DMD: variants seen among roughly 807,000 people sequenced by gnomAD.
The protein encoded by DMD is mutant dystrophin.
In DMD, 63 loss-of-function variants were observed where a neutral mutation model predicts 330.1. The observed-to-expected ratio is 0.19, with a 90% CI of 0.16 to 0.24. The LOEUF is 0.24. Among genes scored for constraint, DMD ranks in the 10% least tolerant of loss-of-function variants. The pLI is 1.00. For missense variants in DMD, 3,344 were observed against 2,684.1 expected (o/e 1.25, Z -5.43); for synonymous variants, 1,223 against 959.8 (o/e 1.27, Z -5.07).
At chrX:31,758,591 C>G (rs1194676389) in intron 51 of DMD, among the ~76,000 whole-genome samples, 1 of 111,544 alleles carries the variant, frequency 9.0e-6, no homozygotes, top group Non-Finnish European at 1.9e-5. Context: ...CTTTGAGACA[C>G]TATACTACCA....
chrX:31,420,601 G>T (rs2063317455), intron 60 of DMD, among the ~76,000 whole-genome samples: 1 of 112,274 alleles, frequency 8.9e-6, no homozygotes, highest in Non-Finnish European at 1.9e-5. Context: ...TTTGCTCCCA[G>T]ATCAAACTTC....
At chrX:32,829,241 C>T (rs896130755) in intron 4 of DMD, among the ~76,000 whole-genome samples, 3 of 111,062 alleles carry the variant, frequency 2.7e-5, no homozygotes, top group South Asian at 3.7e-4. Context: ...TTAAGGGTTA[C>T]GTTAAATTCA....
intron 60 of DMD, among the ~76,000 whole-genome samples, chrX:31,442,227 TTGAAC>T (rs763850916): frequency 5.4e-5 from 6 of 112,039 alleles, no homozygotes; most frequent in Non-Finnish European, 9.4e-5. Context: ...AATCATAAGA[TTGAAC>T]TGTATGTGAC....
intron 1 of DMD, among the ~76,000 whole-genome samples, chrX:33,092,516 T>C (rs1440606361): frequency 8.9e-6 from 1 of 111,820 alleles, no homozygotes; most frequent in African/African-American, 3.2e-5. Flanking sequence ...TTCTTGTCTC[T>C]GAAAATAAGA....
chrX:31,444,426 T>C, intron 60 of DMD, 55 bp downstream of exon 60: 2 of 1,178,858 alleles, frequency 1.7e-6, no homozygotes, highest in Non-Finnish European at 2.3e-6. Context: ...TTACAAATTT[T>C]ATCTGTATAT....
chrX:33,008,666 CAATT>C (rs1376918059), intron 2 of DMD, among the ~76,000 whole-genome samples: 2 of 108,582 alleles, frequency 1.8e-5, no homozygotes, highest in Admixed American at 9.9e-5. Flanking sequence ...CCTTTGAACA[CAATT>C]ATATTAATAT....
At chrX:31,222,077 T>C (rs918415083) in intron 64 of DMD, among the ~76,000 whole-genome samples, 1 of 110,509 alleles carries the variant, frequency 9.0e-6, no homozygotes, top group Non-Finnish European at 1.9e-5. Context: ...GTGCCTGTAG[T>C]CCCAGCTACT....
At chrX:31,203,885 G>A (rs2043780825) in intron 67 of DMD, 76 bp downstream of exon 67, 26 of 965,678 alleles carry the variant, frequency 2.7e-5, no homozygotes, top group South Asian at 4.1e-5. Flanking sequence ...ATGAGAAAAC[G>A]AAGCTCTGTG....
At chrX:31,693,634 A>C (rs2083261467) in intron 52 of DMD, among the ~76,000 whole-genome samples, 1 of 111,597 alleles carries the variant, frequency 9.0e-6, no homozygotes, top group Non-Finnish European at 1.9e-5. Flanking sequence ...TTGTTTGTAC[A>C]ATAACAACAA....
intron 44 of DMD, among the ~76,000 whole-genome samples, chrX:32,115,450 C>A (rs1033385510): frequency 9.1e-6 from 1 of 109,717 alleles, no homozygotes; most frequent in African/African-American, 3.3e-5. Context: ...GCTGTGTTAC[C>A]CAGGCTGGTC....
At chrX:32,029,688 G>C (rs2095870660) in intron 44 of DMD, among the ~76,000 whole-genome samples, 1 of 111,634 alleles carries the variant, frequency 9.0e-6, no homozygotes. Flanking sequence ...TTCAGTTCTG[G>C]CATAGTTTGG....
At chrX:31,439,906 T>G (rs1430745795) in intron 60 of DMD, among the ~76,000 whole-genome samples, 1 of 111,741 alleles carries the variant, frequency 8.9e-6, no homozygotes, top group Non-Finnish European at 1.9e-5. Flanking sequence ...AAATCACTTT[T>G]GGCTGATTTT....
chrX:32,299,950 C>G (rs1337728130), intron 42 of DMD, among the ~76,000 whole-genome samples: 1 of 111,625 alleles, frequency 9.0e-6, no homozygotes, highest in African/African-American at 3.2e-5. Flanking sequence ...TTCAGTTACA[C>G]TCATGTCTTA....
At chrX:32,589,481 T>C in intron 13 of DMD, among the ~76,000 whole-genome samples, 1 of 110,760 alleles carries the variant, frequency 9.0e-6, no homozygotes, top group Middle Eastern at 4.7e-3. Context: ...GATGTACGTA[T>C]GTATATATAT....
intron 44 of DMD, among the ~76,000 whole-genome samples, chrX:32,172,591 C>T (rs1364093449): frequency 9.0e-6 from 1 of 111,283 alleles, no homozygotes; most frequent in South Asian, 3.8e-4. Flanking sequence ...GGAGTTATAT[C>T]TGTCACCTAT....
intron 44 of DMD, among the ~76,000 whole-genome samples, chrX:32,074,765 G>A (rs754253926): frequency 2.1e-5 from 2 of 94,720 alleles, no homozygotes; most frequent in African/African-American, 4.5e-5. Flanking sequence ...CGTACAAGGA[G>A]GTAAAAATAA....
At chrX:32,860,062 A>C (rs1175792863) in intron 2 of DMD, among the ~76,000 whole-genome samples, 2 of 111,972 alleles carry the variant, frequency 1.8e-5, no homozygotes, top group African/African-American at 6.5e-5. Flanking sequence ...AGGACCTAAA[A>C]ACGAGACAGT....
In DMD at chrX:32,776,368, C is replaced by T. The variant is rs756043003; in HGVS notation, c.649+33125G>A. On this transcript the variant is annotated intron_variant, in intron 7 of 78. Transcript: ENST00000357033. ...TTGCTATATTTATAGCAATGCCCCA[C>T]TATCTGGGCACCAATTTTCTGTTTT... 6.3e-5 allele frequency among the ~76,000 whole-genome samples: 7 copies of T among 110,366 alleles called. No homozygotes were observed. The South Asian group carries it at 2.8e-3, about 45-fold the overall frequency.
chrX:32,354,402 CACTATAGT>C (rs1424196983), intron 37 of DMD, among the ~76,000 whole-genome samples: 1 of 110,767 alleles, frequency 9.0e-6, no homozygotes, highest in African/African-American at 3.3e-5. Flanking sequence ...ACAAGTAACA[CACTATAGT>C]ACAGAAAAGA....
Sources: gnomAD v4.1 joint callset for allele counts (sites outside exome capture counted in the v4.1 genomes callset) on GRCh38, gnomAD v4.1.1 for gene constraint, MANE v1.5 for transcripts, NCBI Gene and HGNC (gene_info 2026-07-23, HGNC 2026-07-21) for gene names.